Variants in NXPE2 observed in about 807,000 individuals in gnomAD.
The protein encoded by NXPE2 is NXPE family member 2.
In NXPE2, 34 loss-of-function variants were observed where a neutral mutation model predicts 34.4. That is an observed-to-expected ratio of 0.99 (90% confidence interval 0.75 to 1.31). The LOEUF (loss-of-function observed/expected upper bound fraction) is 1.31, where lower values mean the gene tolerates loss of function less well. Ranked by LOEUF, NXPE2 falls within the 40% of genes most tolerant of loss-of-function variation. NXPE2 has a pLI of 0.00. For synonymous variants in NXPE2, 235 were observed against 231.3 expected (o/e 1.02, Z -0.15); for missense variants, 649 against 672.5 (o/e 0.97, Z 0.39).
the NXPE2 span, among the ~76,000 whole-genome samples, chr11:114,669,212 T>C: frequency 1.3e-5 from 2 of 152,132 alleles, no homozygotes; most frequent in Admixed American, 6.6e-5. Context: ...ATTTAAAGTC[T>C]TTGGAAATTA....
chr11:114,729,688 C>T, the NXPE2 span, among the ~76,000 whole-genome samples: 39 of 152,158 alleles, frequency 2.6e-4, no homozygotes, highest in South Asian at 6.2e-4. Flanking sequence ...CATTCGTTGG[C>T]CATGTGTATG....
chr11:114,479,213 T>C, the NXPE2 span, among the ~76,000 whole-genome samples: 1 of 152,170 alleles, frequency 6.6e-6, no homozygotes. Flanking sequence ...TCCCAATACT[T>C]TCCTTTGGAC....
chr11:114,473,364 G>T, the NXPE2 span, among the ~76,000 whole-genome samples: 3 of 152,158 alleles, frequency 2.0e-5, no homozygotes, highest in South Asian at 6.2e-4. Context: ...TATTTCTAGA[G>T]AAGAATAAAA....
At position 114,707,023 on chromosome 11, in the gene NXPE2, C is replaced by T; in HGVS notation, c.*93C>T. 1 of 1,010,958 alleles carries T rather than the reference C, an allele frequency of 9.9e-7. No homozygotes were observed. Among genetic ancestry groups the T allele is most frequent in the East Asian group, 2.6e-5 (1 of 38,222 alleles). The allele number at this position is 1,010,958 out of a possible 1,614,324, so 62.6% of individuals were successfully genotyped here. A position where few individuals can be genotyped will look rare whatever the true frequency, so the allele number is the denominator to read the frequency against. ...TAATGCAATCCAAGTTTTGAGGAAA[C>T]TAAATTTGAAAAAGTTCTATTAAAG... is the stretch of plus-strand genomic sequence containing the variant. On this transcript the variant is annotated 3_prime_UTR_variant, in exon 6 of 6. Coordinates refer to ENST00000389586, the MANE Select transcript of NXPE2 (RefSeq NM_182495.6).
At chr11:114,682,886 G>C (rs1950972922) in intron 2 of NXPE2, among the ~76,000 whole-genome samples, 1 of 151,580 alleles carries the variant, frequency 6.6e-6, no homozygotes, top group Non-Finnish European at 1.5e-5. Context: ...ATGAGTTGAA[G>C]GGTATTGTTA....
the NXPE2 span, among the ~76,000 whole-genome samples, chr11:114,577,045 T>TTA: frequency 7.3e-3 from 189 of 25,806 alleles, 3 homozygotes; most frequent in African/African-American, 0.02. Context: ...ATATATAAAG[T>TTA]TATATATATA....
chr11:114,747,267 C>T, the NXPE2 span, among the ~76,000 whole-genome samples: 1 of 151,888 alleles, frequency 6.6e-6, no homozygotes. Context: ...TGGTAACACT[C>T]AGGACCCAGG....
the NXPE2 span, among the ~76,000 whole-genome samples, chr11:114,628,883 G>T: frequency 6.6e-6 from 1 of 151,684 alleles, no homozygotes; most frequent in Non-Finnish European, 1.5e-5. Flanking sequence ...ATCAGAGAAT[G>T]CTACAAACAC....
the NXPE2 span, among the ~76,000 whole-genome samples, chr11:114,811,651 C>A: frequency 0.79 from 119,535 of 152,112 alleles, 47,964 homozygotes; most frequent in Non-Finnish European, 0.87. Flanking sequence ...TGGGGACTTA[C>A]AAGTGCAAAC....
chr11:114,469,875 C>T, the NXPE2 span, among the ~76,000 whole-genome samples: 1 of 152,274 alleles, frequency 6.6e-6, no homozygotes, highest in South Asian at 2.1e-4. Context: ...TTCTGTCAAC[C>T]AGTAATCTTC....
the NXPE2 span, among the ~76,000 whole-genome samples, chr11:114,560,371 A>G: frequency 6.6e-6 from 1 of 151,352 alleles, no homozygotes; most frequent in South Asian, 2.1e-4. Context: ...CCTGGGCCCA[A>G]GCCATCCTTC....
chr11:114,754,062 GAAATGA>G, the NXPE2 span, among the ~76,000 whole-genome samples: 1 of 152,160 alleles, frequency 6.6e-6, no homozygotes, highest in Admixed American at 6.5e-5. Flanking sequence ...CGTATCTGTA[GAAATGA>G]AAATGATAAT....
At chr11:114,812,063 A>G in the NXPE2 span, among the ~76,000 whole-genome samples, 1 of 152,254 alleles carries the variant, frequency 6.6e-6, no homozygotes, top group African/African-American at 2.4e-5. Flanking sequence ...ACAACGAAAG[A>G]AGCATATTAT....
At chr11:114,476,522 A>C in the NXPE2 span, among the ~76,000 whole-genome samples, 1 of 152,182 alleles carries the variant, frequency 6.6e-6, no homozygotes, top group African/African-American at 2.4e-5. Context: ...GTAACTTATA[A>C]AGGAAAGAGG....
chr11:114,607,517 G>A, the NXPE2 span, among the ~76,000 whole-genome samples: 1 of 151,744 alleles, frequency 6.6e-6, no homozygotes, highest in African/African-American at 2.4e-5. Flanking sequence ...GTTTTGCCTG[G>A]TGGGTAACCA....
chr11:114,660,652 C>T, the NXPE2 span, among the ~76,000 whole-genome samples: 1 of 151,936 alleles, frequency 6.6e-6, no homozygotes, highest in African/African-American at 2.4e-5. Flanking sequence ...GTATTGATAT[C>T]ATGTTCAATG....
chr11:114,748,730 G>A, the NXPE2 span, among the ~76,000 whole-genome samples: 1 of 152,164 alleles, frequency 6.6e-6, no homozygotes, highest in Non-Finnish European at 1.5e-5. Context: ...TTACTTGAAT[G>A]AGATGGTATC....
chr11:114,772,130 G>A, the NXPE2 span, among the ~76,000 whole-genome samples: 3 of 152,182 alleles, frequency 2.0e-5, no homozygotes, highest in Middle Eastern at 3.2e-3. Context: ...CCATTAAGTA[G>A]TCTCTTGTCC....
the NXPE2 span, among the ~76,000 whole-genome samples, chr11:114,784,648 G>A: frequency 1.3e-5 from 2 of 152,152 alleles, no homozygotes; most frequent in Non-Finnish European, 2.9e-5. Flanking sequence ...TTCTTTCCTG[G>A]TGACAGACCT....
Sources: gnomAD v4.1 joint callset for allele counts (sites outside exome capture counted in the v4.1 genomes callset) on GRCh38, gnomAD v4.1.1 for gene constraint, MANE v1.5 for transcripts, NCBI Gene and HGNC (gene_info 2026-07-23, HGNC 2026-07-21) for gene names.